The following AK7 variants were observed in gnomAD, a reference collection of about 807,000 sequenced individuals.
AK7 encodes the protein adenylate kinase 7, also known as ATP-AMP transphosphorylase 7.
AK7 carries 78 observed loss-of-function variants against 96.6 expected under a neutral mutation model. The observed-to-expected ratio is 0.81, with a 90% CI of 0.67 to 0.97. The LOEUF (loss-of-function observed/expected upper bound fraction) is 0.97, where lower values mean the gene tolerates loss of function less well. Ranked by LOEUF, AK7 falls within the 50% of genes least tolerant of loss-of-function variation. The pLI, the probability that AK7 is intolerant of heterozygous loss-of-function variation, is 0.00. For missense variants in AK7, 855 were observed against 887.9 expected, an observed-to-expected ratio of 0.96 and a Z score of 0.47; for synonymous variants, 302 against 317.2, an observed-to-expected ratio of 0.95 and a Z score of 0.51.
chr14:96,466,994 A>C (rs1166271314), intron 12 of AK7, among the ~76,000 whole-genome samples: 1 of 151,996 alleles, frequency 6.6e-6, no homozygotes, highest in Non-Finnish European at 1.5e-5. Flanking sequence ...GAAAGCAAAT[A>C]ACCAACAACT....
At chr14:96,456,862 G>T in intron 11 of AK7, 1 of 198,320 alleles carries the variant, frequency 5.0e-6, no homozygotes, top group Non-Finnish European at 1.0e-5. Context: ...GGACACTCTT[G>T]GGAGGATGTC....
intron 3 of AK7, among the ~76,000 whole-genome samples, chr14:96,407,875 G>A (rs1343414150): frequency 6.6e-6 from 1 of 152,112 alleles, no homozygotes; most frequent in Non-Finnish European, 1.5e-5. Context: ...CACCACGCCC[G>A]GCCGATATGT....
intron 5 of AK7, among the ~76,000 whole-genome samples, chr14:96,430,743 T>C (rs902955525): frequency 2.0e-5 from 3 of 152,220 alleles, no homozygotes; most frequent in African/African-American, 7.2e-5. Context: ...CTTGTTTTTG[T>C]TGTGTCTCTG....
chr14:96,429,685 G>C (rs964147348), intron 5 of AK7, among the ~76,000 whole-genome samples: 1 of 152,124 alleles, frequency 6.6e-6, no homozygotes, highest in African/African-American at 2.4e-5. Context: ...CACATCCCTT[G>C]TAAGTTGGAT....
chr14:96,418,205 G>A (rs1891456353), intron 4 of AK7, among the ~76,000 whole-genome samples: 1 of 150,828 alleles, frequency 6.6e-6, no homozygotes, highest in Admixed American at 6.6e-5. Flanking sequence ...GCAAGCACCT[G>A]TAGTCCCAAC....
chr14:96,429,559 G>A (rs1892226636), intron 5 of AK7, among the ~76,000 whole-genome samples: 1 of 152,146 alleles, frequency 6.6e-6, no homozygotes, highest in Non-Finnish European at 1.5e-5. Flanking sequence ...GGGCAGTATG[G>A]CCATTTTCAT....
chr14:96,439,663 C>CAA (rs58424748), intron 6 of AK7, among the ~76,000 whole-genome samples: 2 of 109,630 alleles, frequency 1.8e-5, no homozygotes, highest in Admixed American at 9.1e-5. Context: ...GACTCCATCT[C>CAA]AAAAAAAAAA....
chr14:96,426,106 A>G (rs751720877), intron 5 of AK7, among the ~76,000 whole-genome samples: 24 of 151,316 alleles, frequency 1.6e-4, no homozygotes, highest in Non-Finnish European at 2.7e-4. Flanking sequence ...TTTCCTTCCT[A>G]CCTTGCTGTA....
intron 8 of AK7, among the ~76,000 whole-genome samples, chr14:96,448,430 A>G (rs1339818161): frequency 6.6e-6 from 1 of 151,830 alleles, no homozygotes; most frequent in African/African-American, 2.4e-5. Context: ...CAGGAGTCCA[A>G]GACCAGCATT....
Position 96,425,791 on chromosome 14 carries a change from G to C in AK7, c.609+4859G>C, listed in dbSNP as rs577116042. Among the ~76,000 whole-genome samples, 9 of 152,190 alleles carry C rather than the reference G, an allele frequency of 5.9e-5. No individual in the cohort carries two copies. The South Asian group carries it at 1.9e-3, about 32-fold the overall frequency. On this transcript the variant is annotated intron_variant, in intron 5 of 17. Coordinates refer to ENST00000267584, the MANE Select transcript of AK7 (RefSeq NM_152327.5). ...GAGCCACCGTGCCCAGCCGTAGTTTGTCTTGAAAACTATTTTGTCTGATAT... is the reference window on the plus strand; with the variant it reads ...GAGCCACCGTGCCCAGCCGTAGTTTCTCTTGAAAACTATTTTGTCTGATAT...
At chr14:96,463,429 A>C (rs1894371205) in intron 12 of AK7, among the ~76,000 whole-genome samples, 1 of 151,762 alleles carries the variant, frequency 6.6e-6, no homozygotes, top group South Asian at 2.1e-4. Flanking sequence ...AATAATAATA[A>C]GAGAGAGGAG....
At position 96,435,323 on chromosome 14, in the gene AK7, G is replaced by A. The variant is rs1413958143; in HGVS notation, c.610-2512G>A. 3.3e-5 allele frequency among the ~76,000 whole-genome samples: 5 copies of A among 152,126 alleles called. 1 individual carries two copies. Among genetic ancestry groups the A allele is most frequent in the East Asian group, 1.9e-4 (1 of 5,158 alleles). Reference sequence around the variant, plus strand: ...AAGTTAGCAGGTGATGAATGCTGCCGAGACTAGGTCCTTTCCTTCAAGGCA... The same window carrying A: ...AAGTTAGCAGGTGATGAATGCTGCCAAGACTAGGTCCTTTCCTTCAAGGCA... On this transcript the variant is annotated intron_variant, in intron 5 of 17. Coordinates refer to ENST00000267584, the MANE Select transcript of AK7 (RefSeq NM_152327.5).
intron 12 of AK7, among the ~76,000 whole-genome samples, 168 bp from the exon 13 acceptor site, chr14:96,471,310 G>A (rs541789479): frequency 2.1e-4 from 29 of 141,218 alleles, no homozygotes; most frequent in East Asian, 8.2e-4. Flanking sequence ...CAGCCTGGGC[G>A]ACAGAGTGAG....
At chr14:96,421,108 C>G (rs557933147) in intron 5 of AK7, among the ~76,000 whole-genome samples, 176 bp downstream of exon 5, 1 of 152,254 alleles carries the variant, frequency 6.6e-6, no homozygotes, top group South Asian at 2.1e-4. Flanking sequence ...AGCCCTGCAT[C>G]ACCACCCAGC....
intron 12 of AK7, among the ~76,000 whole-genome samples, chr14:96,467,439 A>G (rs940078148): frequency 1.3e-5 from 2 of 151,732 alleles, no homozygotes; most frequent in Non-Finnish European, 2.9e-5. Flanking sequence ...AGGTTCAGGC[A>G]ATTCTCCTGC....
At chr14:96,460,523 C>T (rs973453386) in intron 12 of AK7, among the ~76,000 whole-genome samples, 12 of 152,176 alleles carry the variant, frequency 7.9e-5, no homozygotes, top group Admixed American at 6.6e-5. Context: ...CTCTCAGGGG[C>T]TCTTGAGATT....
At chr14:96,445,159 A>G (rs749470699) in intron 7 of AK7, among the ~76,000 whole-genome samples, 1 of 152,174 alleles carries the variant, frequency 6.6e-6, no homozygotes, top group Non-Finnish European at 1.5e-5. Flanking sequence ...TGCTCATTTC[A>G]CTGACACACT....
intron 4 of AK7, 23 bp from the exon 5 acceptor site, chr14:96,420,799 C>G (rs1891637646): frequency 1.3e-6 from 2 of 1,548,872 alleles, no homozygotes; most frequent in Non-Finnish European, 1.8e-6. Flanking sequence ...AAGTCTGTAC[C>G]TTTTCTTTCT....
At chr14:96,473,400 C>T (rs1033056599) in intron 14 of AK7, among the ~76,000 whole-genome samples, 5 of 151,270 alleles carry the variant, frequency 3.3e-5, no homozygotes, top group East Asian at 2.0e-4. Flanking sequence ...CTCGATCTCC[C>T]GACCCACCCG....
Sources: gnomAD v4.1 joint callset for allele counts (sites outside exome capture counted in the v4.1 genomes callset) on GRCh38, gnomAD v4.1.1 for gene constraint, MANE v1.5 for transcripts, NCBI Gene and HGNC (gene_info 2026-07-23, HGNC 2026-07-21) for gene names.